The following INPP4B variants were observed in gnomAD, a reference collection of about 807,000 sequenced individuals.
INPP4B encodes the protein inositol polyphosphate 4-phosphatase type II.
INPP4B carries 55 observed loss-of-function variants against 122.5 expected under a neutral mutation model. The observed-to-expected ratio is 0.45, with a 90% CI of 0.36 to 0.56. INPP4B has a LOEUF of 0.56. Ranked by LOEUF, INPP4B falls within the 20% of genes least tolerant of loss-of-function variation. The pLI, the probability that INPP4B is intolerant of heterozygous loss-of-function variation, is 0.00. For synonymous variants in INPP4B, 403 were observed against 388.7 expected, an observed-to-expected ratio of 1.04 and a Z score of -0.43; for missense variants, 1,000 against 1,097.7, an observed-to-expected ratio of 0.91 and a Z score of 1.26.
At chr4:142,063,255 G>A (rs777208886) in intron 25 of INPP4B, among the ~76,000 whole-genome samples, 6 of 152,122 alleles carry the variant, frequency 3.9e-5, no homozygotes, top group Non-Finnish European at 8.8e-5. Context: ...TGAACAGAAA[G>A]CCTACCTTTG....
chr4:142,796,163 A>T (rs373076791), intron 1 of INPP4B, among the ~76,000 whole-genome samples: 4 of 152,138 alleles, frequency 2.6e-5, no homozygotes, highest in African/African-American at 9.6e-5. Flanking sequence ...GGACATTTAA[A>T]CATGCTTAAG....
chr4:142,653,389 A>C (rs575791856), intron 2 of INPP4B, among the ~76,000 whole-genome samples: 96 of 152,356 alleles, frequency 6.3e-4, no homozygotes, highest in Non-Finnish European at 1.0e-3. Flanking sequence ...TAATTAAACT[A>C]AAGAGCTTCT....
At position 142,195,129 on chromosome 4, in the gene INPP4B, ACT is replaced by A. The variant is rs201165165; in HGVS notation, c.1073-1936_1073-1935del. Among the ~76,000 whole-genome samples the A allele has an allele frequency of 5.9e-3, 894 of 152,352 alleles. 26 individuals carry two copies. The East Asian group carries it at 0.07, about 12-fold the overall frequency. On this transcript the variant is annotated intron_variant, in intron 14 of 25. Transcript: ENST00000262992. ...TTATTCAGCCTTTAAAAAGATGGAAACTCTGCCATCTGCAACAAAACGAATGA... is the reference window on the plus strand; with the variant it reads ...TTATTCAGCCTTTAAAAAGATGGAAACTGCCATCTGCAACAAAACGAATGA...
At chr4:142,444,003 A>G (rs1054679393) in intron 3 of INPP4B, among the ~76,000 whole-genome samples, 3 of 152,236 alleles carry the variant, frequency 2.0e-5, no homozygotes, top group African/African-American at 7.2e-5. Context: ...GAAAGGGAAT[A>G]TGCTAAAAAC....
chr4:142,123,223 A>G, intron 20 of INPP4B, 69 bp downstream of exon 20: 1 of 1,327,366 alleles, frequency 7.5e-7, no homozygotes, highest in East Asian at 2.5e-5. Flanking sequence ...TGTTTTCTTG[A>G]AAAATTTCTG....
chr4:142,056,696 A>T (rs996445461), intron 25 of INPP4B, among the ~76,000 whole-genome samples: 3 of 152,266 alleles, frequency 2.0e-5, no homozygotes, highest in African/African-American at 7.2e-5. Flanking sequence ...AAGCCTAAAA[A>T]CACACACATA....
At chr4:142,141,170 A>G (rs1807610438) in intron 18 of INPP4B, among the ~76,000 whole-genome samples, 2 of 152,214 alleles carry the variant, frequency 1.3e-5, no homozygotes, top group African/African-American at 4.8e-5. Flanking sequence ...TATCTGGACC[A>G]GTGGGTACAA....
At chr4:142,402,146 C>T (rs1354866263) in intron 7 of INPP4B, among the ~76,000 whole-genome samples, 1 of 152,178 alleles carries the variant, frequency 6.6e-6, no homozygotes, top group Non-Finnish European at 1.5e-5. Flanking sequence ...GGTCCACCTG[C>T]CATTAAAGAG....
chr4:142,664,575 T>C (rs930449699), intron 2 of INPP4B, among the ~76,000 whole-genome samples: 14 of 151,904 alleles, frequency 9.2e-5, no homozygotes, highest in African/African-American at 3.1e-4. Flanking sequence ...TAATAACAAA[T>C]ACTGAAGACT....
chr4:142,472,003 G>A (rs1349734714), intron 2 of INPP4B, among the ~76,000 whole-genome samples: 5 of 152,022 alleles, frequency 3.3e-5, no homozygotes, highest in Non-Finnish European at 7.4e-5. Flanking sequence ...AGCACTGTGG[G>A]CCTTAGCAGT....
chr4:142,395,735 A>T (rs557707881), intron 7 of INPP4B, among the ~76,000 whole-genome samples: 8 of 152,176 alleles, frequency 5.3e-5, no homozygotes, highest in Non-Finnish European at 1.2e-4. Context: ...AAAAATAGGA[A>T]ATCCCATAAT....
intron 2 of INPP4B, among the ~76,000 whole-genome samples, chr4:142,521,128 T>G (rs767951696): frequency 5.3e-5 from 8 of 151,852 alleles, no homozygotes; most frequent in African/African-American, 1.9e-4. Flanking sequence ...GGTCTCGGTA[T>G]CAAAGAGATG....
chr4:142,061,296 A>G (rs1236069985), intron 25 of INPP4B, among the ~76,000 whole-genome samples: 1 of 152,220 alleles, frequency 6.6e-6, no homozygotes, highest in Non-Finnish European at 1.5e-5. Flanking sequence ...TGTTGTAAAA[A>G]GAATCCCTGC....
chr4:142,782,901 C>T (rs1775109903), intron 1 of INPP4B, among the ~76,000 whole-genome samples: 1 of 152,096 alleles, frequency 6.6e-6, no homozygotes, highest in Admixed American at 6.5e-5. Context: ...CTGAGAAAAA[C>T]AAGCAATGGG....
intron 2 of INPP4B, among the ~76,000 whole-genome samples, chr4:142,493,493 G>A (rs1022167354): frequency 2.0e-5 from 3 of 152,204 alleles, no homozygotes; most frequent in African/African-American, 4.8e-5. Context: ...AAGGCTGTGG[G>A]AGCCCATCTC....
intron 7 of INPP4B, among the ~76,000 whole-genome samples, chr4:142,329,619 CT>C (rs1277761779): frequency 7.9e-5 from 12 of 152,136 alleles, no homozygotes; most frequent in Non-Finnish European, 1.3e-4. Flanking sequence ...CATTCCTCTA[CT>C]TTTTCCTAGA....
intron 18 of INPP4B, among the ~76,000 whole-genome samples, chr4:142,127,745 T>C (rs148304853): frequency 0.011 from 1,684 of 152,304 alleles, 30 homozygotes; most frequent in African/African-American, 0.038. Context: ...AAGCCTTCTA[T>C]GGAGGAACAT....
rs537844006 is a variant in INPP4B at position 142,766,496 on chromosome 4, G to A, written c.-253-40595C>T. ...AGTGATTCTCCTGCCTCAGCCTCCCGAGTAGCTGGGATTACAGCCGTGCAC... is the reference window on the plus strand; with the variant it reads ...AGTGATTCTCCTGCCTCAGCCTCCCAAGTAGCTGGGATTACAGCCGTGCAC... On this transcript the variant is annotated intron_variant, in intron 1 of 25. Transcript: ENST00000262992. 5.3e-5 allele frequency among the ~76,000 whole-genome samples: 8 copies of A among 151,690 alleles called. No individual in the cohort carries two copies. The South Asian group carries it at 1.7e-3, about 32-fold the overall frequency.
At position 142,260,488 on chromosome 4, in the gene INPP4B, A is replaced by G. The variant is rs757222427; in HGVS notation, c.688+4T>C. 2.1e-5 allele frequency: 33 copies of G among 1,573,718 alleles called. No individual in the cohort carries two copies. In the South Asian group the frequency reaches 3.7e-4, roughly 18 times the overall value. On this transcript the variant is annotated splice_donor_region_variant and intron_variant, in intron 11 of 25. Transcript: ENST00000262992. ...AACTAAGTATTTAAAACTGAGTTAC[A>G]TACCTGAATTCAAAAAAGGTAAGTT...
Sources: allele counts gnomAD v4.1 joint callset (sites outside exome capture counted in the v4.1 genomes callset), GRCh38; gene constraint gnomAD v4.1.1; transcripts MANE v1.5; gene names NCBI Gene and HGNC (gene_info 2026-07-23, HGNC 2026-07-21).